The following TGFA variants were observed in gnomAD, a reference collection of about 807,000 sequenced individuals.
TGFA encodes the protein transforming growth factor alpha, also known as protransforming growth factor alpha.
In TGFA, 12 loss-of-function variants were observed where a neutral mutation model predicts 21.7. The observed-to-expected ratio is 0.55, with a 90% CI of 0.35 to 0.90. TGFA has a LOEUF of 0.90. Among genes scored for constraint, TGFA ranks in the 40% least tolerant of loss-of-function variants. TGFA has a pLI of 0.01. For synonymous variants in TGFA, 79 were observed against 88.1 expected, an observed-to-expected ratio of 0.90 and a Z score of 0.58; for missense variants, 178 against 210.8, an observed-to-expected ratio of 0.84 and a Z score of 0.96.
intron 1 of TGFA, among the ~76,000 whole-genome samples, chr2:70,539,385 A>G (rs781965703): frequency 7.0e-5 from 8 of 114,812 alleles, no homozygotes; most frequent in African/African-American, 1.3e-4. Flanking sequence ...GCCTGAAGCA[A>G]TCCAATGGAA....
intron 2 of TGFA, among the ~76,000 whole-genome samples, chr2:70,489,321 C>T (rs2103780272): frequency 6.6e-6 from 1 of 152,362 alleles, no homozygotes; most frequent in Non-Finnish European, 1.5e-5. Flanking sequence ...CATTCCTTAA[C>T]CTCATTCTCT....
chr2:70,544,947 T>C (rs1447100800), intron 1 of TGFA, among the ~76,000 whole-genome samples: 3 of 152,100 alleles, frequency 2.0e-5, no homozygotes, highest in Non-Finnish European at 2.9e-5. Context: ...GATCTAGTAT[T>C]TGATAGCAGA....
chr2:70,536,362 A>T (rs1553504388), intron 1 of TGFA, among the ~76,000 whole-genome samples: 2 of 152,232 alleles, frequency 1.3e-5, no homozygotes, highest in Non-Finnish European at 2.9e-5. Flanking sequence ...GAAATCAGTA[A>T]GGACATAGTT....
intron 1 of TGFA, among the ~76,000 whole-genome samples, chr2:70,517,741 A>T (rs1250766809): frequency 6.6e-6 from 1 of 152,220 alleles, no homozygotes; most frequent in Non-Finnish European, 1.5e-5. Context: ...CAGTTGTGAC[A>T]CAGGTGTGTA....
intron 2 of TGFA, among the ~76,000 whole-genome samples, chr2:70,501,998 C>G (rs1671751828): frequency 6.6e-6 from 1 of 152,256 alleles, no homozygotes; most frequent in Admixed American, 6.5e-5. Context: ...GCTTGTGTGG[C>G]AGGTTCTGGG....
At chr2:70,518,997 G>C (rs11466213) in intron 1 of TGFA, among the ~76,000 whole-genome samples, 9 of 152,356 alleles carry the variant, frequency 5.9e-5, no homozygotes, top group African/African-American at 2.2e-4. Context: ...TCAGGGGGAT[G>C]TGGGAGGATG....
chr2:70,549,018 A>G (rs1553506402), intron 1 of TGFA, among the ~76,000 whole-genome samples: 3 of 152,200 alleles, frequency 2.0e-5, no homozygotes, highest in African/African-American at 7.2e-5. Context: ...TCTTAAACAT[A>G]TTAGCCCTTT....
intron 4 of TGFA, among the ~76,000 whole-genome samples, chr2:70,456,002 C>A (rs1187509822): frequency 1.3e-5 from 2 of 152,250 alleles, no homozygotes; most frequent in African/African-American, 4.8e-5. Context: ...AGGCTAGGAG[C>A]TGTCTCTAGT....
At chr2:70,498,054 A>G (rs1671627958) in intron 2 of TGFA, among the ~76,000 whole-genome samples, 1 of 152,262 alleles carries the variant, frequency 6.6e-6, no homozygotes. Flanking sequence ...TACAATTTCC[A>G]GTTTACATAA....
chr2:70,531,579 C>T (rs1409944946), intron 1 of TGFA, among the ~76,000 whole-genome samples: 9 of 152,218 alleles, frequency 5.9e-5, no homozygotes, highest in Non-Finnish European at 1.5e-5. Flanking sequence ...GTATCACCAC[C>T]TCCATACAGA....
chr2:70,500,567 T>C (rs550541437), intron 2 of TGFA, among the ~76,000 whole-genome samples: 1 of 152,286 alleles, frequency 6.6e-6, no homozygotes, highest in African/African-American at 2.4e-5. Flanking sequence ...ACTATTTGAA[T>C]AGCCCTGTAG....
At chr2:70,543,595 T>A (rs1197067608) in intron 1 of TGFA, among the ~76,000 whole-genome samples, 1 of 151,904 alleles carries the variant, frequency 6.6e-6, no homozygotes, top group Admixed American at 6.6e-5. Flanking sequence ...TTTCTTTAAT[T>A]AAAAGGAGTT....
intron 2 of TGFA, among the ~76,000 whole-genome samples, chr2:70,490,885 T>C (rs547626288): frequency 1.3e-5 from 2 of 152,014 alleles, no homozygotes; most frequent in Non-Finnish European, 2.9e-5. Context: ...GATATGTCTG[T>C]GGACCAATTA....
intron 2 of TGFA, among the ~76,000 whole-genome samples, chr2:70,499,109 T>G (rs1671662704): frequency 6.6e-6 from 1 of 152,120 alleles, no homozygotes; most frequent in Non-Finnish European, 1.5e-5. Flanking sequence ...TATGAATCAC[T>G]AGGGGAGTTA....
chr2:70,506,187 T>C (rs1671921424), intron 2 of TGFA, among the ~76,000 whole-genome samples: 1 of 152,122 alleles, frequency 6.6e-6, no homozygotes, highest in East Asian at 1.9e-4. Flanking sequence ...AGTTCTGAGG[T>C]TTTTGACTTT....
chr2:70,519,235 G>A (rs967196088), intron 1 of TGFA, among the ~76,000 whole-genome samples: 7 of 152,128 alleles, frequency 4.6e-5, no homozygotes, highest in Non-Finnish European at 7.3e-5. Context: ...TTAGTGGTAC[G>A]TAGACGGTGG....
chr2:70,501,437 C>G (rs1267541692), intron 2 of TGFA, among the ~76,000 whole-genome samples: 1 of 152,070 alleles, frequency 6.6e-6, no homozygotes, highest in African/African-American at 2.4e-5. Flanking sequence ...CAATGACTGT[C>G]CTTGGTTCAT....
At chr2:70,491,112 C>A (rs940157737) in intron 2 of TGFA, among the ~76,000 whole-genome samples, 1 of 152,132 alleles carries the variant, frequency 6.6e-6, no homozygotes, top group Non-Finnish European at 1.5e-5. Flanking sequence ...TTTAATTGAA[C>A]TCCTATTAAG....
At chr2:70,505,908 G>GA (rs1186514999) in intron 2 of TGFA, among the ~76,000 whole-genome samples, 2 of 152,214 alleles carry the variant, frequency 1.3e-5, no homozygotes, top group Non-Finnish European at 2.9e-5. Context: ...AGGAAACGAG[G>GA]AAAGGAGATT....
Sources: allele counts gnomAD v4.1 joint callset (sites outside exome capture counted in the v4.1 genomes callset), GRCh38; gene constraint gnomAD v4.1.1; transcripts MANE v1.5; gene names NCBI Gene and HGNC (gene_info 2026-07-23, HGNC 2026-07-21).